KCNH5: variants seen among roughly 807,000 people sequenced by gnomAD.
KCNH5 encodes potassium voltage-gated channel subfamily H member 5, also known as voltage-gated delayed rectifier potassium channel KCNH5.
In KCNH5, 46 loss-of-function variants were observed where a neutral mutation model predicts 96.1. The observed-to-expected ratio is 0.48, with a 90% CI of 0.38 to 0.61. The LOEUF is 0.61. KCNH5 is among the 20% of genes least tolerant of loss of function. The probability of loss-of-function intolerance (pLI) is 0.00; values close to 1 mark genes in which losing one functional copy is unlikely to be tolerated. For synonymous variants in KCNH5, 439 were observed against 449.8 expected (o/e 0.98, Z 0.30); for missense variants, 907 against 1,225.8 (o/e 0.74, Z 3.88).
At chr14:62,921,027 T>C (rs1889371514) in intron 7 of KCNH5, among the ~76,000 whole-genome samples, 1 of 152,190 alleles carries the variant, frequency 6.6e-6, no homozygotes, top group Non-Finnish European at 1.5e-5. Context: ...CCAATGCCTA[T>C]GTGTTTTTGT....
chr14:63,042,158 T>C (rs1391719106), intron 1 of KCNH5, among the ~76,000 whole-genome samples: 1 of 152,024 alleles, frequency 6.6e-6, no homozygotes, highest in African/African-American at 2.4e-5. Flanking sequence ...CCTTTCTCTC[T>C]GCTCTGTGTG....
chr14:62,915,239 T>A (rs1276763097), intron 7 of KCNH5, among the ~76,000 whole-genome samples: 1 of 152,236 alleles, frequency 6.6e-6, no homozygotes, highest in East Asian at 1.9e-4. Flanking sequence ...AACTCACTAT[T>A]TAAATTTGCA....
intron 8 of KCNH5, among the ~76,000 whole-genome samples, chr14:62,807,719 G>A (rs117661597): frequency 0.032 from 4,843 of 151,858 alleles, 151 homozygotes; most frequent in South Asian, 0.083. Context: ...ATCTTGTACC[G>A]TAAATTCTTG....
intron 6 of KCNH5, among the ~76,000 whole-genome samples, chr14:62,977,265 G>T (rs1890519288): frequency 6.6e-6 from 1 of 152,092 alleles, no homozygotes. Context: ...TGCTGGGGAA[G>T]TTGAGGCAGG....
At chr14:62,742,396 C>G (rs556721393) in intron 10 of KCNH5, among the ~76,000 whole-genome samples, 18 of 152,262 alleles carry the variant, frequency 1.2e-4, no homozygotes, top group African/African-American at 4.3e-4. Context: ...GATTCTATGT[C>G]GATACCCCCA....
chr14:62,804,126 C>A (rs1255132192), intron 8 of KCNH5, among the ~76,000 whole-genome samples: 1 of 152,064 alleles, frequency 6.6e-6, no homozygotes, highest in Non-Finnish European at 1.5e-5. Context: ...TTAAATTATG[C>A]TTTCAGTATC....
In KCNH5 at chr14:62,847,422, T is replaced by G. The variant is rs928650636; in HGVS notation, c.1569+2231A>C. 2.0e-5 allele frequency among the ~76,000 whole-genome samples: 3 copies of G among 152,226 alleles called. No homozygotes were observed. In the South Asian group the frequency reaches 6.2e-4, roughly 32 times the overall value. On this transcript the variant is annotated intron_variant, in intron 8 of 10. Coordinates refer to ENST00000322893, the MANE Select transcript of KCNH5 (RefSeq NM_139318.5). Reference sequence around the variant, plus strand: ...ATGTCTTTCCTTCCTTCTCTTTCCTTCAGTGCTGTTAACCTAGAACTTATG... The same window carrying G: ...ATGTCTTTCCTTCCTTCTCTTTCCTGCAGTGCTGTTAACCTAGAACTTATG...
intron 1 of KCNH5, among the ~76,000 whole-genome samples, chr14:63,018,265 A>C (rs1175654091): frequency 6.6e-6 from 1 of 151,930 alleles, no homozygotes; most frequent in Non-Finnish European, 1.5e-5. Context: ...GAGCTCAAGC[A>C]GAAGTGTCTT....
intron 8 of KCNH5, among the ~76,000 whole-genome samples, chr14:62,844,204 CT>C (rs1468346547): frequency 6.6e-6 from 1 of 150,970 alleles, no homozygotes; most frequent in Admixed American, 6.6e-5. Flanking sequence ...GACTAAAGAG[CT>C]TTTTCTGATT....
chr14:62,890,113 A>G (rs1888675502), intron 7 of KCNH5, among the ~76,000 whole-genome samples: 1 of 152,184 alleles, frequency 6.6e-6, no homozygotes, highest in Non-Finnish European at 1.5e-5. Flanking sequence ...TGTAAAACCC[A>G]AAACTATAAA....
At chr14:62,971,325 G>C (rs1890403542) in intron 6 of KCNH5, among the ~76,000 whole-genome samples, 1 of 151,928 alleles carries the variant, frequency 6.6e-6, no homozygotes, top group Admixed American at 6.6e-5. Context: ...TGATCTATGA[G>C]GAAAACTACA....
intron 10 of KCNH5, among the ~76,000 whole-genome samples, chr14:62,722,522 C>T (rs1884837255): frequency 6.6e-6 from 1 of 152,096 alleles, no homozygotes; most frequent in Non-Finnish European, 1.5e-5. Flanking sequence ...TTTAAGAATA[C>T]TTGAACTAAA....
At chr14:62,792,318 C>T (rs1337989774) in intron 9 of KCNH5, among the ~76,000 whole-genome samples, 4 of 151,172 alleles carry the variant, frequency 2.6e-5, no homozygotes, top group African/African-American at 7.3e-5. Flanking sequence ...TGATTTAGCT[C>T]GTAGATTTTT....
At chr14:62,870,279 G>A (rs77874742) in intron 7 of KCNH5, among the ~76,000 whole-genome samples, 2,791 of 152,190 alleles carry the variant, frequency 0.018, 82 homozygotes, top group African/African-American at 0.063. Context: ...TAAAGTGATG[G>A]TAATTTTTTT....
chr14:62,742,620 C>T lies in KCNH5; in HGVS notation c.2020-34165G>A, dbSNP rs1197030072. ...AACTACAGCCTTAGTGGAAAACCAT[C>T]GCTTTAAACACGTCTTTAACATCAT... On this transcript the variant is annotated intron_variant, in intron 10 of 10. Transcript: ENST00000322893. Among the ~76,000 whole-genome samples, 6 of 152,322 alleles carry T rather than the reference C, an allele frequency of 3.9e-5. No homozygotes were observed. The East Asian group carries it at 5.8e-4, about 15-fold the overall frequency.
intron 9 of KCNH5, among the ~76,000 whole-genome samples, chr14:62,801,244 T>C (rs1250974433): frequency 6.6e-6 from 1 of 152,130 alleles, no homozygotes; most frequent in Non-Finnish European, 1.5e-5. Flanking sequence ...GCATTCAAGC[T>C]ATGGTAGGTT....
At chr14:62,865,718 T>A (rs1888122173) in intron 7 of KCNH5, among the ~76,000 whole-genome samples, 1 of 152,236 alleles carries the variant, frequency 6.6e-6, no homozygotes, top group Non-Finnish European at 1.5e-5. Context: ...TACTTTTGAC[T>A]GCCCTACATA....
chr14:62,967,035 A>G (rs117280682), intron 6 of KCNH5, among the ~76,000 whole-genome samples: 1,620 of 152,252 alleles, frequency 0.011, 12 homozygotes, highest in East Asian at 0.042. Context: ...TTGGGGATGT[A>G]GCTTTTGACA....
intron 7 of KCNH5, among the ~76,000 whole-genome samples, chr14:62,897,653 A>G (rs1286126115): frequency 6.6e-6 from 1 of 152,202 alleles, no homozygotes; most frequent in Non-Finnish European, 1.5e-5. Context: ...TCTACAGCAC[A>G]GGAATATTAT....
Sources: gnomAD v4.1 joint callset for allele counts (sites outside exome capture counted in the v4.1 genomes callset) on GRCh38, gnomAD v4.1.1 for gene constraint, MANE v1.5 for transcripts, NCBI Gene and HGNC (gene_info 2026-07-23, HGNC 2026-07-21) for gene names.